CNBD1: variants seen among roughly 807,000 people sequenced by gnomAD.
The protein encoded by CNBD1 is cyclic nucleotide-binding domain-containing protein 1.
Under a neutral mutation model 54.4 loss-of-function variants are expected in CNBD1, and 71 were observed. That is an observed-to-expected ratio of 1.30 (90% CI 1.08 to 1.59). The LOEUF is 1.59. CNBD1 is among the 40% of genes most tolerant of loss of function. The probability of loss-of-function intolerance (pLI) is 0.00; values close to 1 mark genes in which losing one functional copy is unlikely to be tolerated. For missense variants in CNBD1, 659 were observed against 518.0 expected (o/e 1.27, Z -2.64); for synonymous variants, 182 against 170.7 (o/e 1.07, Z -0.51).
chr8:87,345,143 G>C (rs1810144204), intron 8 of CNBD1, among the ~76,000 whole-genome samples: 3 of 152,238 alleles, frequency 2.0e-5, no homozygotes, highest in South Asian at 4.1e-4. Flanking sequence ...TTTTGATTCA[G>C]AATGTCAGGC....
intron 8 of CNBD1, among the ~76,000 whole-genome samples, chr8:87,314,431 C>T (rs1809338085): frequency 6.6e-6 from 1 of 151,724 alleles, no homozygotes; most frequent in South Asian, 2.1e-4. Context: ...TTTTGACACA[C>T]ATTCTTAATA....
intron 6 of CNBD1, among the ~76,000 whole-genome samples, chr8:87,257,903 A>G (rs972621427): frequency 1.2e-4 from 19 of 152,116 alleles, no homozygotes; most frequent in African/African-American, 3.6e-4. Context: ...GGTTACTTCT[A>G]TGGTGTACAA....
chr8:87,402,705 A>C (rs1357789352), intron 2 of CNBD1, among the ~76,000 whole-genome samples: 2 of 152,048 alleles, frequency 1.3e-5, no homozygotes, highest in Non-Finnish European at 2.9e-5. Context: ...CATGTTAAGG[A>C]GTTGTAATCA....
chr8:87,117,360 C>T (rs1811794832), intron 4 of CNBD1, among the ~76,000 whole-genome samples: 2 of 146,686 alleles, frequency 1.4e-5, no homozygotes, highest in South Asian at 4.2e-4. Context: ...GACCGTGCCA[C>T]TGCACTCCAG....
At position 87,344,307 on chromosome 8, in the gene CNBD1, T is replaced by C. The variant is rs1168072501; in HGVS notation, c.1043-7378T>C. On this transcript the variant is annotated intron_variant, in intron 8 of 10. Transcript: ENST00000518476. ...TAAGGGTAAAATAATAGTTTCAGAA[T>C]AATCAAAAATACTATTACAAAAGAG... 2.0e-5 allele frequency among the ~76,000 whole-genome samples: 3 copies of C among 151,992 alleles called. 1 individual carries two copies. The highest frequency in any genetic ancestry group is 2.0e-4 in the Admixed American group (3 of 15,260).
chr8:86,913,809 G>A (rs914792828), intron 3 of CNBD1, among the ~76,000 whole-genome samples: 7 of 152,258 alleles, frequency 4.6e-5, no homozygotes, highest in South Asian at 2.1e-4. Context: ...CCTAGCAAGC[G>A]TGGGGGTGCT....
At chr8:87,332,953 T>A (rs1809867528) in intron 8 of CNBD1, among the ~76,000 whole-genome samples, 1 of 152,186 alleles carries the variant, frequency 6.6e-6, no homozygotes, top group Admixed American at 6.5e-5. Context: ...ATATATAAAT[T>A]ACTTTGGGCA....
Position 87,079,193 on chromosome 8 carries a change from CT to C in CNBD1, c.432-126795del, listed in dbSNP as rs1019392869. ...ATCCAAGTTTTGTGGTAATCTGTTACTTTTTAATAATGAATAGTTTTTTATT... is the reference window on the plus strand; with the variant it reads ...ATCCAAGTTTTGTGGTAATCTGTTACTTTTAATAATGAATAGTTTTTTATT... On this transcript the variant is annotated intron_variant, in intron 4 of 10. Coordinates refer to ENST00000518476, the MANE Select transcript of CNBD1 (RefSeq NM_173538.3). 2.6e-5 allele frequency among the ~76,000 whole-genome samples: 4 copies of C among 151,838 alleles called. 1 individual carries two copies. Among genetic ancestry groups the C allele is most frequent in the Non-Finnish European group, 5.9e-5 (4 of 67,918 alleles).
chr8:87,089,354 T>C (rs549691606), intron 4 of CNBD1, among the ~76,000 whole-genome samples: 6 of 152,176 alleles, frequency 3.9e-5, no homozygotes, highest in Admixed American at 6.5e-5. Context: ...TGAATATGTG[T>C]GTTAGTTTAG....
intron 5 of CNBD1, among the ~76,000 whole-genome samples, chr8:87,221,559 T>C (rs1241227533): frequency 6.6e-6 from 1 of 152,122 alleles, no homozygotes; most frequent in Admixed American, 6.6e-5. Context: ...TTTCATAAAG[T>C]CATTCCATAT....
At chr8:87,022,529 GA>G (rs5893007) in intron 4 of CNBD1, among the ~76,000 whole-genome samples, 55,750 of 151,970 alleles carry the variant, frequency 0.37, 10,518 homozygotes, top group East Asian at 0.55. Context: ...CTACCATAAA[GA>G]AATGAAAATA....
chr8:87,142,069 C>A (rs1812380747), intron 4 of CNBD1, among the ~76,000 whole-genome samples: 1 of 152,010 alleles, frequency 6.6e-6, no homozygotes, highest in Admixed American at 6.6e-5. Flanking sequence ...TTGAATGTGT[C>A]TGTTTATGAA....
chr8:87,363,877 T>C (rs1390772630), intron 10 of CNBD1, among the ~76,000 whole-genome samples: 1 of 152,126 alleles, frequency 6.6e-6, no homozygotes, highest in Admixed American at 6.6e-5. Context: ...CATTTGTCAA[T>C]TTTGGCTTTT....
In CNBD1 at chr8:87,353,710, T is replaced by C. The variant is rs1810355344; in HGVS notation, c.1227T>C (p.Leu409=). ...CCTTTGGTGAGATTAGCGTCCTTCT[T>C]CAAGTTCCTTTCACGTGCACAATCA... ...KESFGEISVL[L]QVPFTCTIIT... Residue 409 remains leucine, a synonymous_variant, in exon 10 of 11, where the codon CTT becomes CTC. Transcript: ENST00000518476. 6.2e-7 allele frequency: 1 copy of C among 1,611,484 alleles called. No individual in the cohort carries two copies. Among genetic ancestry groups the C allele is most frequent in the African/African-American group, 1.3e-5 (1 of 74,860 alleles).
chr8:87,058,028 G>A (rs568408293), intron 4 of CNBD1, among the ~76,000 whole-genome samples: 62 of 152,084 alleles, frequency 4.1e-4, no homozygotes, highest in Non-Finnish European at 6.5e-4. Context: ...TTACTTACTA[G>A]ATACAATGGG....
At chr8:87,009,098 T>G (rs1186134898) in intron 4 of CNBD1, among the ~76,000 whole-genome samples, 2 of 152,028 alleles carry the variant, frequency 1.3e-5, no homozygotes, top group Non-Finnish European at 2.9e-5. Flanking sequence ...GCTACATATT[T>G]TTTTATTTCC....
intron 3 of CNBD1, among the ~76,000 whole-genome samples, chr8:86,906,305 A>C (rs1280919094): frequency 1.3e-5 from 2 of 152,226 alleles, no homozygotes; most frequent in Admixed American, 1.3e-4. Context: ...TTATAGCCAT[A>C]GGGCAGTATT....
intron 5 of CNBD1, among the ~76,000 whole-genome samples, chr8:87,228,126 CT>C (rs2130816842): frequency 6.6e-6 from 1 of 150,894 alleles, no homozygotes; most frequent in African/African-American, 2.5e-5. Flanking sequence ...ATTGGTTATT[CT>C]AGTTATACAT....
intron 5 of CNBD1, among the ~76,000 whole-genome samples, chr8:87,230,921 C>A (rs1427698119): frequency 1.3e-5 from 2 of 152,110 alleles, no homozygotes; most frequent in Non-Finnish European, 2.9e-5. Flanking sequence ...TAATCAAGAA[C>A]TATTATTTTG....
Sources: allele counts gnomAD v4.1 joint callset (sites outside exome capture counted in the v4.1 genomes callset), GRCh38; gene constraint gnomAD v4.1.1; transcripts MANE v1.5; gene names NCBI Gene and HGNC (gene_info 2026-07-23, HGNC 2026-07-21).